The following MACROH2A2 variants were observed in gnomAD, a reference collection of about 807,000 sequenced individuals.
MACROH2A2 encodes core histone macro-H2A.2.
Under a neutral mutation model 37.6 loss-of-function variants are expected in MACROH2A2, and 6 were observed. The observed-to-expected ratio is 0.16, with a 90% CI of 0.09 to 0.32. MACROH2A2 has a LOEUF of 0.32. Ranked by LOEUF, MACROH2A2 falls within the 10% of genes least tolerant of loss-of-function variation. MACROH2A2 has a pLI of 1.00. For missense variants in MACROH2A2, 290 were observed against 485.9 expected (o/e 0.60, Z 3.79); for synonymous variants, 192 against 202.7 (o/e 0.95, Z 0.45).
intron 1 of MACROH2A2, among the ~76,000 whole-genome samples, chr10:70,065,802 G>C (rs556551134): frequency 1.8e-4 from 27 of 152,160 alleles, no homozygotes; most frequent in South Asian, 1.5e-3. Context: ...GTGGGTTGAG[G>C]GGGGAGGGAT....
chr10:70,104,101 C>T (rs112718315), intron 7 of MACROH2A2, among the ~76,000 whole-genome samples: 2,061 of 152,280 alleles, frequency 0.014, 49 homozygotes, highest in African/African-American at 0.047. Flanking sequence ...TGAGTGTTAG[C>T]ACCCTGGGAA....
At chr10:70,104,941 A>G (rs2072327750) in intron 7 of MACROH2A2, among the ~76,000 whole-genome samples, 1 of 152,240 alleles carries the variant, frequency 6.6e-6, no homozygotes, top group African/African-American at 2.4e-5. Context: ...GTTAAAACAG[A>G]CCAACTGCAG....
chr10:70,057,763 T>G (rs753096922), intron 1 of MACROH2A2, among the ~76,000 whole-genome samples: 12 of 152,216 alleles, frequency 7.9e-5, no homozygotes, highest in Non-Finnish European at 1.6e-4. Context: ...TTTGTGGAAA[T>G]AAATCACAGT....
intron 1 of MACROH2A2, among the ~76,000 whole-genome samples, chr10:70,072,446 G>A (rs1267077507): frequency 6.6e-6 from 1 of 152,034 alleles, no homozygotes; most frequent in Non-Finnish European, 1.5e-5. Context: ...CCTCCTTCTG[G>A]AATACCTCCT....
chr10:70,055,529 T>A (rs1464817598), intron 1 of MACROH2A2, among the ~76,000 whole-genome samples: 1 of 149,224 alleles, frequency 6.7e-6, no homozygotes, highest in East Asian at 2.0e-4. Flanking sequence ...CTTAAACACC[T>A]CTAGATAGGG....
intron 7 of MACROH2A2, among the ~76,000 whole-genome samples, chr10:70,106,190 CT>C (rs1245590489): frequency 1.3e-5 from 2 of 152,230 alleles, no homozygotes; most frequent in Non-Finnish European, 2.9e-5. Context: ...GTTCTAGAAG[CT>C]CCCAGCAGCA....
chr10:70,086,399 A>G (rs989322550), intron 2 of MACROH2A2, among the ~76,000 whole-genome samples: 3 of 151,998 alleles, frequency 2.0e-5, no homozygotes, highest in Non-Finnish European at 4.4e-5. Flanking sequence ...GCCCAGTTGC[A>G]TGATCCCCAA....
intron 6 of MACROH2A2, among the ~76,000 whole-genome samples, chr10:70,096,744 G>A (rs1259593227): frequency 6.6e-6 from 1 of 152,220 alleles, no homozygotes; most frequent in Non-Finnish European, 1.5e-5. Context: ...GAGGCAATTT[G>A]AGGTAGATGC....
At chr10:70,064,598 C>T (rs57294032) in intron 1 of MACROH2A2, among the ~76,000 whole-genome samples, 6,313 of 152,144 alleles carry the variant, frequency 0.041, 421 homozygotes, top group East Asian at 0.24. Context: ...GGGGAAGTAA[C>T]TGAATCATGG....
At chr10:70,110,132 A>T (rs916095641) in intron 8 of MACROH2A2, among the ~76,000 whole-genome samples, 1 of 152,182 alleles carries the variant, frequency 6.6e-6, no homozygotes. Context: ...GAACCACGGC[A>T]GTGCTGTTCT....
chr10:70,086,532 C>G (rs572486365), intron 2 of MACROH2A2, among the ~76,000 whole-genome samples: 37 of 152,272 alleles, frequency 2.4e-4, no homozygotes, highest in African/African-American at 8.7e-4. Context: ...GTCTGTCAAG[C>G]TGAAAATAAC....
intron 2 of MACROH2A2, among the ~76,000 whole-genome samples, chr10:70,082,997 T>C (rs75899065): frequency 6.7e-6 from 1 of 148,836 alleles, no homozygotes; most frequent in African/African-American, 2.5e-5. Flanking sequence ...TTTTTTTTTT[T>C]AATCAAGCAC....
chr10:70,082,585 C>T (rs993902552), intron 2 of MACROH2A2, among the ~76,000 whole-genome samples: 3 of 152,182 alleles, frequency 2.0e-5, no homozygotes, highest in Non-Finnish European at 4.4e-5. Flanking sequence ...TATATTCATA[C>T]AATGGGCTGT....
intron 2 of MACROH2A2, among the ~76,000 whole-genome samples, chr10:70,077,866 T>C (rs1266288005): frequency 3.3e-5 from 5 of 151,644 alleles, no homozygotes; most frequent in Non-Finnish European, 5.9e-5. Context: ...TTGAGAAGAG[T>C]TTATGAGGCT....
chr10:70,066,087 C>T (rs2072077972), intron 1 of MACROH2A2, among the ~76,000 whole-genome samples: 2 of 152,176 alleles, frequency 1.3e-5, no homozygotes, highest in South Asian at 4.1e-4. Flanking sequence ...GGGAGGATCA[C>T]TTGAAGCCAA....
At chr10:70,084,457 C>T (rs532992217) in intron 2 of MACROH2A2, among the ~76,000 whole-genome samples, 245 of 152,256 alleles carry the variant, frequency 1.6e-3, no homozygotes, top group African/African-American at 5.5e-3. Flanking sequence ...GAGGCTCAGG[C>T]GGGAGAATCA....
Position 70,101,543 on chromosome 10 carries a change from C to T in MACROH2A2, c.778+1246C>T, listed in dbSNP as rs182950996. ...ACAAGGCGTTTTCGAATCTGGACCCCGGACATGTTCCAAGACTCTTTTACA... is the reference window on the plus strand; with the variant it reads ...ACAAGGCGTTTTCGAATCTGGACCCTGGACATGTTCCAAGACTCTTTTACA... On this transcript the variant is annotated intron_variant, in intron 7 of 8. Coordinates refer to ENST00000373255, the MANE Select transcript of MACROH2A2 (RefSeq NM_018649.3). Among the ~76,000 whole-genome samples the T allele has an allele frequency of 4.4e-4, 67 of 152,300 alleles. 1 individual carries two copies. In the East Asian group the frequency reaches 9.8e-3, roughly 22 times the overall value.
At chr10:70,091,325 A>G (rs1379893727) in intron 3 of MACROH2A2, among the ~76,000 whole-genome samples, 1 of 152,230 alleles carries the variant, frequency 6.6e-6, no homozygotes, top group Non-Finnish European at 1.5e-5. Flanking sequence ...AGCCAATTAA[A>G]TGGTGTATTA....
intron 8 of MACROH2A2, among the ~76,000 whole-genome samples, chr10:70,109,483 G>A (rs535217432): frequency 2.0e-5 from 3 of 152,356 alleles, no homozygotes; most frequent in African/African-American, 4.8e-5. Flanking sequence ...GGGGAGGAGC[G>A]GGAGGCAGAG....
Sources: allele counts gnomAD v4.1 joint callset (sites outside exome capture counted in the v4.1 genomes callset), GRCh38; gene constraint gnomAD v4.1.1; transcripts MANE v1.5; gene names NCBI Gene and HGNC (gene_info 2026-07-23, HGNC 2026-07-21).